ZRANB1: variants seen among roughly 807,000 people sequenced by gnomAD.
The protein encoded by ZRANB1 is ubiquitin thioesterase ZRANB1.
In ZRANB1, 16 loss-of-function variants were observed where a neutral mutation model predicts 80.5. That is an observed-to-expected ratio of 0.20 (90% CI 0.13 to 0.30). The LOEUF (loss-of-function observed/expected upper bound fraction) is 0.30. Ranked by LOEUF, ZRANB1 falls within the 10% of genes least tolerant of loss-of-function variation. ZRANB1 has a pLI of 1.00. For synonymous variants in ZRANB1, 291 were observed against 293.1 expected (o/e 0.99, Z 0.07); for missense variants, 576 against 862.6 (o/e 0.67, Z 4.16).
the ZRANB1 span, among the ~76,000 whole-genome samples, chr10:124,928,814 T>G: frequency 6.6e-6 from 1 of 152,158 alleles, no homozygotes; most frequent in Non-Finnish European, 1.5e-5. Flanking sequence ...AATGCCTGAG[T>G]GGTCAGAGAA....
the ZRANB1 span, among the ~76,000 whole-genome samples, chr10:124,932,375 T>G: frequency 6.7e-6 from 1 of 149,058 alleles, no homozygotes; most frequent in Non-Finnish European, 1.5e-5. Context: ...CTGCAACCTC[T>G]GCCTCCTGGG....
chr10:124,943,216 C>G lies in ZRANB1; in HGVS notation c.723C>G (p.Ser241Arg). The change falls in exon 1 of 9, where the codon AGC (serine) becomes AGG (arginine). Residue 241 changes from serine (S) to arginine (R), a missense_variant. By Grantham distance (110) the Ser-to-Arg change is moderately radical (BLOSUM62 -1). Coordinates refer to ENST00000359653, the MANE Select transcript of ZRANB1 (RefSeq NM_017580.3). Reference sequence around the variant, plus strand: ...TTGAATTGGCTGGTGCTGTGGGAAGCAAGGAGGAACTTGAAGTAGACTTTA... The same window carrying G: ...TTGAATTGGCTGGTGCTGTGGGAAGGAAGGAGGAACTTGAAGTAGACTTTA... Reference protein sequence around the residue: ...QRIELAGAVGSKEELEVDFKK... With the variant: ...QRIELAGAVGRKEELEVDFKK... The G allele has an allele frequency of 6.2e-7, 1 of 1,614,040 alleles. No homozygotes were observed. Among genetic ancestry groups the G allele is most frequent in the Non-Finnish European group, 8.5e-7 (1 of 1,180,030 alleles).
At chr10:124,967,692 C>T (rs1951787751) in intron 2 of ZRANB1, among the ~76,000 whole-genome samples, 1 of 151,828 alleles carries the variant, frequency 6.6e-6, no homozygotes, top group Admixed American at 6.6e-5. Context: ...AGAAGGGTAG[C>T]CTTAGAAATG....
chr10:124,955,233 GT>G (rs1233848374), intron 1 of ZRANB1, among the ~76,000 whole-genome samples: 4 of 141,398 alleles, frequency 2.8e-5, no homozygotes, highest in Non-Finnish European at 3.1e-5. Flanking sequence ...GTTTTTTTTT[GT>G]TTTTTTTTTG....
intron 1 of ZRANB1, among the ~76,000 whole-genome samples, chr10:124,963,388 CTTTCTCCCATAAAGTGAGATT>C (rs1231218733): frequency 1.1e-4 from 17 of 151,538 alleles, no homozygotes; most frequent in Non-Finnish European, 1.0e-4. Context: ...TTTTCCTGGC[CTTTCTCCCATAAAGTGAGATT>C]TTAACACTTG....
chr10:124,930,287 A>T, the ZRANB1 span, among the ~76,000 whole-genome samples: 1 of 152,040 alleles, frequency 6.6e-6, no homozygotes, highest in African/African-American at 2.4e-5. Context: ...TCTTTCTTTC[A>T]TGGATTCTCA....
intron 5 of ZRANB1, among the ~76,000 whole-genome samples, chr10:124,979,801 C>T (rs1475364995): frequency 6.6e-6 from 1 of 152,146 alleles, no homozygotes. Context: ...ATTGCCTTGG[C>T]AATTTTGTCG....
At chr10:124,980,036 G>A (rs12570144) in intron 5 of ZRANB1, among the ~76,000 whole-genome samples, 1 of 152,116 alleles carries the variant, frequency 6.6e-6, no homozygotes, top group Non-Finnish European at 1.5e-5. Context: ...ATACATTTTA[G>A]GATACAGCTT....
chr10:124,962,345 T>C (rs1041776456), intron 1 of ZRANB1: 5 of 984,180 alleles, frequency 5.1e-6, no homozygotes, highest in Non-Finnish European at 6.0e-6. Context: ...GCATAAACCA[T>C]GCTGTGATGT....
chr10:124,929,362 C>T, the ZRANB1 span, among the ~76,000 whole-genome samples: 8 of 146,300 alleles, frequency 5.5e-5, no homozygotes, highest in South Asian at 2.2e-4. Flanking sequence ...TTTTTTGTAA[C>T]GGAGTCTCTG....
At chr10:124,975,519 T>A (rs977599040) in intron 5 of ZRANB1, among the ~76,000 whole-genome samples, 19 of 152,344 alleles carry the variant, frequency 1.2e-4, no homozygotes, top group African/African-American at 4.6e-4. Context: ...ATATATATAT[T>A]TTTTAACAGC....
chr10:124,955,840 C>G (rs765948587), intron 1 of ZRANB1, among the ~76,000 whole-genome samples: 1 of 152,174 alleles, frequency 6.6e-6, no homozygotes, highest in Non-Finnish European at 1.5e-5. Context: ...TGTGTGCACA[C>G]TCACACTTTT....
At chr10:124,919,492 A>G in the ZRANB1 span, among the ~76,000 whole-genome samples, 1 of 150,798 alleles carries the variant, frequency 6.6e-6, no homozygotes, top group Admixed American at 6.6e-5. Context: ...GGTTGCTGCG[A>G]GCCGAGATCC....
At chr10:124,975,581 A>G (rs1951869718) in intron 5 of ZRANB1, among the ~76,000 whole-genome samples, 1 of 152,236 alleles carries the variant, frequency 6.6e-6, no homozygotes. Context: ...TTCAGTCTTT[A>G]CATTTGTTTG....
the ZRANB1 span, among the ~76,000 whole-genome samples, chr10:124,929,529 G>T: frequency 1.3e-5 from 2 of 151,600 alleles, no homozygotes; most frequent in Non-Finnish European, 2.9e-5. Flanking sequence ...TAGTAGAGAC[G>T]GGGTTTCACC....
rs138858881 is a variant in ZRANB1 at position 124,976,565 on chromosome 10, C to CT, written c.1427+2191dup. 3.2e-3 allele frequency among the ~76,000 whole-genome samples: 244 copies of CT among 75,704 alleles called. 6 individuals carry two copies. Among genetic ancestry groups the CT allele is most frequent in the Admixed American group, 4.3e-3 (27 of 6,250 alleles). 49.7% of individuals were successfully genotyped at this position (75,704 alleles called of 152,430 possible). A position where few individuals can be genotyped will look rare whatever the true frequency, so the allele number is the denominator to read the frequency against. ...TAATCTTTTCTTTGGTGGTAATTTC[C>CT]TTTTTTTTTTTTTTTTTTTTTTTTG... On this transcript the variant is annotated intron_variant, in intron 5 of 8. Transcript: ENST00000359653.
chr10:124,953,942 T>TC (rs1051038902), intron 1 of ZRANB1, among the ~76,000 whole-genome samples: 3 of 151,588 alleles, frequency 2.0e-5, no homozygotes, highest in African/African-American at 7.3e-5. Flanking sequence ...TGATTTAGTG[T>TC]CCTTTTTTTT....
chr10:124,982,316 C>T (rs1477690249), intron 6 of ZRANB1, among the ~76,000 whole-genome samples: 1 of 152,146 alleles, frequency 6.6e-6, no homozygotes, highest in African/African-American at 2.4e-5. Context: ...CTTCATAATG[C>T]TCCCTGTGGT....
chr10:124,982,746 C>T (rs1282674836), intron 6 of ZRANB1, among the ~76,000 whole-genome samples: 5 of 152,114 alleles, frequency 3.3e-5, no homozygotes, highest in African/African-American at 7.2e-5. Context: ...TTAGTATTCA[C>T]GAGTTAGTTG....
Sources: gnomAD v4.1 joint callset for allele counts (sites outside exome capture counted in the v4.1 genomes callset) on GRCh38, gnomAD v4.1.1 for gene constraint, MANE v1.5 for transcripts, NCBI Gene and HGNC (gene_info 2026-07-23, HGNC 2026-07-21) for gene names.